Variants in PLPPR5 observed in about 807,000 individuals in gnomAD.
PLPPR5 encodes the protein phospholipid phosphatase-related protein type 5.
In PLPPR5, 16 loss-of-function variants were observed where a neutral mutation model predicts 33.9. The ratio of observed to expected loss-of-function variants is 0.47; its 90% CI spans 0.32 to 0.72. The LOEUF is 0.72. PLPPR5 is among the 30% of genes least tolerant of loss of function. The pLI is 0.03. For synonymous variants in PLPPR5, 163 were observed against 150.3 expected (o/e 1.08, Z -0.62); for missense variants, 301 against 406.7 (o/e 0.74, Z 2.23).
chr1:98,953,078 A>G lies in PLPPR5; in HGVS notation c.613T>C (p.Tyr205His), dbSNP rs1650848710. The change falls in exon 3 of 6, where the codon TAT becomes CAT. Residue 205 changes from tyrosine to histidine, a missense_variant. Physicochemically the swap from Tyr to His is moderately conservative, Grantham distance 83. Transcript: ENST00000263177. ...EAALSVYAAM[Y>H]LTMYITNTIK... Reference sequence around the variant, plus strand: ...TTATAATCCTTACTTACGGTCAGATACATAGCTGCATAGACACTGAGAGCT... The same window carrying G: ...TTATAATCCTTACTTACGGTCAGATGCATAGCTGCATAGACACTGAGAGCT... The G allele has an allele frequency of 6.2e-7, 1 of 1,614,012 alleles. No individual in the cohort carries two copies. Among genetic ancestry groups the G allele is most frequent in the Non-Finnish European group, 8.5e-7 (1 of 1,180,010 alleles).
At chr1:98,914,984 G>C in intron 4 of PLPPR5, 64 bp from the exon 5 acceptor site, 1 of 1,506,506 alleles carries the variant, frequency 6.6e-7, no homozygotes, top group South Asian at 1.2e-5. Context: ...TCAGCCTTTT[G>C]AGGAGCTTAA....
At chr1:98,993,568 C>A (rs2100762678) in intron 1 of PLPPR5, among the ~76,000 whole-genome samples, 1 of 152,142 alleles carries the variant, frequency 6.6e-6, no homozygotes, top group South Asian at 2.1e-4. Context: ...AGGAAGAGGA[C>A]ATTGTCACCA....
At chr1:98,940,784 G>C (rs773743898) in intron 3 of PLPPR5, among the ~76,000 whole-genome samples, 1 of 151,896 alleles carries the variant, frequency 6.6e-6, no homozygotes, top group African/African-American at 2.4e-5. Flanking sequence ...GATTTCAGAG[G>C]TATTTCAAAT....
At chr1:98,965,967 G>A (rs1188889350) in intron 1 of PLPPR5, among the ~76,000 whole-genome samples, 1 of 152,188 alleles carries the variant, frequency 6.6e-6, no homozygotes, top group African/African-American at 2.4e-5. Context: ...ATCCACAGAA[G>A]TACAGTCATG....
At chr1:98,898,970 T>A (rs1302955409) in intron 5 of PLPPR5, among the ~76,000 whole-genome samples, 5 of 152,158 alleles carry the variant, frequency 3.3e-5, no homozygotes, top group Non-Finnish European at 7.4e-5. Context: ...TCTTATGAAG[T>A]CTTTCCAAGT....
intron 1 of PLPPR5, among the ~76,000 whole-genome samples, chr1:98,989,931 A>G (rs12084089): frequency 0.095 from 14,495 of 152,236 alleles, 847 homozygotes; most frequent in East Asian, 0.25. Context: ...TCACAAATAA[A>G]AGCCAATTAA....
chr1:98,899,577 C>A (rs1648608824), intron 5 of PLPPR5, among the ~76,000 whole-genome samples: 1 of 151,836 alleles, frequency 6.6e-6, no homozygotes, highest in South Asian at 2.1e-4. Context: ...ACATTAACTG[C>A]ACATTATATG....
At chr1:98,903,036 G>A (rs1216206052) in intron 5 of PLPPR5, among the ~76,000 whole-genome samples, 1 of 151,958 alleles carries the variant, frequency 6.6e-6, no homozygotes, top group Non-Finnish European at 1.5e-5. Flanking sequence ...AATGACATAT[G>A]GCAAAATAAT....
intron 1 of PLPPR5, among the ~76,000 whole-genome samples, chr1:98,984,896 T>C (rs149528328): frequency 1.8e-3 from 267 of 152,010 alleles, no homozygotes; most frequent in South Asian, 0.015. Context: ...GGAAACAAGC[T>C]AAGTTGAAAA....
intron 1 of PLPPR5, among the ~76,000 whole-genome samples, chr1:98,964,533 TGGCACAGTAAGTGCA>T (rs983612502): frequency 6.6e-6 from 1 of 152,170 alleles, no homozygotes; most frequent in Admixed American, 6.5e-5. Context: ...GAGGGCAGGC[TGGCACAGTAAGTGCA>T]GAGCTGTCAA....
At chr1:98,925,106 G>T (rs745989117) in intron 3 of PLPPR5, among the ~76,000 whole-genome samples, 10 of 152,162 alleles carry the variant, frequency 6.6e-5, no homozygotes, top group Non-Finnish European at 1.0e-4. Context: ...CTTACATAAA[G>T]TCTATTATTC....
intron 1 of PLPPR5, among the ~76,000 whole-genome samples, chr1:98,967,475 G>A (rs1420711841): frequency 6.6e-6 from 1 of 152,068 alleles, no homozygotes; most frequent in African/African-American, 2.4e-5. Context: ...TGAGATTAGG[G>A]GTAAGTGATA....
chr1:98,988,432 G>A (rs1473282857), intron 1 of PLPPR5, among the ~76,000 whole-genome samples: 4 of 152,062 alleles, frequency 2.6e-5, no homozygotes, highest in African/African-American at 9.7e-5. Flanking sequence ...TTATTAGGTT[G>A]TAGCCCTATT....
At chr1:98,902,013 C>A (rs1212536903) in intron 5 of PLPPR5, among the ~76,000 whole-genome samples, 2 of 151,914 alleles carry the variant, frequency 1.3e-5, no homozygotes, top group Admixed American at 6.6e-5. Context: ...GAACATATTT[C>A]TTTGAAAATG....
chr1:98,962,803 C>T (rs921621639), intron 1 of PLPPR5, among the ~76,000 whole-genome samples: 6 of 152,086 alleles, frequency 3.9e-5, no homozygotes, highest in Non-Finnish European at 8.8e-5. Flanking sequence ...AGGCATGTGC[C>T]ACCATGCCCA....
intron 4 of PLPPR5, among the ~76,000 whole-genome samples, chr1:98,918,433 C>T (rs1649437656): frequency 6.6e-6 from 1 of 152,116 alleles, no homozygotes; most frequent in South Asian, 2.1e-4. Context: ...AGCTCTTCTG[C>T]CTGACACTGT....
At chr1:98,999,642 CAGTGAT>C (rs1181258007) in intron 1 of PLPPR5, among the ~76,000 whole-genome samples, 1 of 152,142 alleles carries the variant, frequency 6.6e-6, no homozygotes, top group African/African-American at 2.4e-5. Flanking sequence ...TGGGGATGGG[CAGTGAT>C]GCCCAAGGCA....
chr1:98,981,761 A>C (rs1652070939), intron 1 of PLPPR5, among the ~76,000 whole-genome samples: 1 of 152,058 alleles, frequency 6.6e-6, no homozygotes, highest in Non-Finnish European at 1.5e-5. Context: ...CTAATAGGCC[A>C]TTTCATTTTG....
intron 1 of PLPPR5, among the ~76,000 whole-genome samples, chr1:98,967,157 T>TA (rs1401090408): frequency 6.6e-6 from 1 of 152,108 alleles, no homozygotes; most frequent in Non-Finnish European, 1.5e-5. Flanking sequence ...GGTATTGCAA[T>TA]AAAAGGATGG....
Sources: allele counts gnomAD v4.1 joint callset (sites outside exome capture counted in the v4.1 genomes callset), GRCh38; gene constraint gnomAD v4.1.1; transcripts MANE v1.5; gene names NCBI Gene and HGNC (gene_info 2026-07-23, HGNC 2026-07-21).